The following RARB variants were observed in gnomAD, a reference collection of about 807,000 sequenced individuals.
RARB encodes the protein retinoic acid receptor beta, also known as HBV-activated protein.
A neutral mutation model predicts 51.9 loss-of-function variants in RARB; 17 were observed. The observed-to-expected ratio is 0.33, with a 90% confidence interval of 0.22 to 0.49. The LOEUF (loss-of-function observed/expected upper bound fraction) is 0.49, where lower values mean the gene tolerates loss of function less well. Among genes scored for constraint, RARB ranks in the 20% least tolerant of loss-of-function variants. The probability of loss-of-function intolerance (pLI) is 0.99; values close to 1 mark genes in which losing one functional copy is unlikely to be tolerated. For missense variants in RARB, 369 were observed against 550.8 expected (o/e 0.67, Z 3.30); for synonymous variants, 215 against 195.4 (o/e 1.10, Z -0.84).
chr3:25,193,337 C>T (rs1489717036), intron 5 of RARB, among the ~76,000 whole-genome samples: 4 of 151,798 alleles, frequency 2.6e-5, no homozygotes, highest in Admixed American at 6.6e-5. Context: ...AAGATTGTTC[C>T]AATGCAGAGG....
chr3:25,026,074 T>G lies in RARB; in HGVS notation c.-379-34051T>G, dbSNP rs185993099. On this transcript the variant is annotated intron_variant, in intron 2 of 11. Coordinates refer to the RARB transcript ENST00000383772. ...ATAGTACAAAGTGATTTTTAAGTTT[T>G]CATGAGTGCTCTTGCTCCCCCCACC... 2.0e-3 allele frequency among the ~76,000 whole-genome samples: 306 copies of G among 152,270 alleles called. 2 individuals are homozygous for G. The highest frequency in any genetic ancestry group is 3.8e-3 in the Admixed American group (58 of 15,286).
intron 1 of RARB, among the ~76,000 whole-genome samples, chr3:25,436,093 G>T (rs566570484): frequency 6.6e-6 from 1 of 152,114 alleles, no homozygotes; most frequent in African/African-American, 2.4e-5. Context: ...GATTAAGATC[G>T]TCAGGGGTTT....
chr3:25,110,832 G>C (rs1699589244), intron 3 of RARB, among the ~76,000 whole-genome samples: 1 of 152,098 alleles, frequency 6.6e-6, no homozygotes, highest in Non-Finnish European at 1.5e-5. Context: ...CTTTGCCCCA[G>C]GTATCAAAAT....
At chr3:25,069,434 A>G (rs148776075) in intron 3 of RARB, among the ~76,000 whole-genome samples, 1 of 152,346 alleles carries the variant, frequency 6.6e-6, no homozygotes, top group African/African-American at 2.4e-5. Context: ...ATTAACTGGC[A>G]TATATTGTAC....
chr3:25,553,553 C>T (rs2125670699), intron 3 of RARB, among the ~76,000 whole-genome samples: 2 of 152,272 alleles, frequency 1.3e-5, no homozygotes, highest in South Asian at 4.2e-4. Flanking sequence ...CCAAAAAAAC[C>T]AGTCATCTGA....
chr3:25,455,395 C>T (rs998645666), intron 1 of RARB, among the ~76,000 whole-genome samples: 1 of 152,206 alleles, frequency 6.6e-6, no homozygotes, highest in Non-Finnish European at 1.5e-5. Context: ...AAATGTCCTT[C>T]TCCCTAACCT....
intron 5 of RARB, among the ~76,000 whole-genome samples, chr3:25,310,201 C>A (rs1388195483): frequency 6.6e-6 from 1 of 152,196 alleles, no homozygotes; most frequent in Non-Finnish European, 1.5e-5. Flanking sequence ...GGCTGTTTTA[C>A]TAGTCTGGGT....
At chr3:25,497,459 A>G (rs1393170962) in intron 2 of RARB, among the ~76,000 whole-genome samples, 1 of 152,096 alleles carries the variant, frequency 6.6e-6, no homozygotes, top group Non-Finnish European at 1.5e-5. Context: ...TTCTTTCGCC[A>G]ATTTCTTTGC....
chr3:24,926,440 G>A (rs1695323482), intron 2 of RARB, among the ~76,000 whole-genome samples: 1 of 152,078 alleles, frequency 6.6e-6, no homozygotes, highest in Admixed American at 6.6e-5. Flanking sequence ...CAATTGAAGA[G>A]AGATTGTTGA....
At chr3:25,551,905 C>A (rs1218776731) in intron 3 of RARB, among the ~76,000 whole-genome samples, 1 of 152,198 alleles carries the variant, frequency 6.6e-6, no homozygotes, top group South Asian at 2.1e-4. Flanking sequence ...AGAGGGGAAT[C>A]CCAGTCCATG....
At chr3:25,225,168 A>G (rs4521188) in intron 5 of RARB, among the ~76,000 whole-genome samples, 15,050 of 152,238 alleles carry the variant, frequency 0.099, 815 homozygotes, top group Non-Finnish European at 0.13. Flanking sequence ...TATTTATAAG[A>G]TGCTTACTAC....
In RARB at chr3:25,178,352, CA is replaced by C. The variant is rs552427095; in HGVS notation, c.178+3778del. Among the ~76,000 whole-genome samples, 13 of 152,194 alleles carry C rather than the reference CA, an allele frequency of 8.5e-5. No individual in the cohort carries two copies. The South Asian group carries it at 2.3e-3, about 27-fold the overall frequency. Reference sequence around the variant, plus strand: ...TAGAAAAACTACCATGCATTGAGCACATTTTGGATTACTCACACAGCATTTA... The same window carrying C: ...TAGAAAAACTACCATGCATTGAGCACTTTTGGATTACTCACACAGCATTTA... On this transcript the variant is annotated intron_variant, in intron 5 of 11. Transcript: ENST00000383772.
chr3:25,323,055 G>A (rs1322052601), intron 5 of RARB, among the ~76,000 whole-genome samples: 1 of 152,108 alleles, frequency 6.6e-6, no homozygotes, highest in African/African-American at 2.4e-5. Flanking sequence ...CTACATGTTT[G>A]GGGCCCTGGT....
At chr3:25,499,079 A>C (rs1553623902) in intron 2 of RARB, among the ~76,000 whole-genome samples, 13 of 152,206 alleles carry the variant, frequency 8.5e-5, no homozygotes, top group Non-Finnish European at 7.3e-5. Flanking sequence ...CCAGGCACTT[A>C]TAGTTGAACC....
At chr3:24,835,837 G>A (rs1295566779) in intron 1 of RARB, among the ~76,000 whole-genome samples, 1 of 152,130 alleles carries the variant, frequency 6.6e-6, no homozygotes, top group Non-Finnish European at 1.5e-5. Context: ...GCATTCATTG[G>A]CCCCGGGGGC....
intron 5 of RARB, among the ~76,000 whole-genome samples, chr3:25,299,503 C>G (rs57138445): frequency 6.6e-6 from 1 of 152,076 alleles, no homozygotes; most frequent in Non-Finnish European, 1.5e-5. Context: ...CCTGGCCCAC[C>G]TCACTCGTAA....
intron 5 of RARB, among the ~76,000 whole-genome samples, chr3:25,399,822 A>G (rs1325962460): frequency 6.6e-6 from 1 of 152,222 alleles, no homozygotes; most frequent in South Asian, 2.1e-4. Context: ...GCATATAACT[A>G]GCAAGTCTCC....
chr3:25,019,228 T>A (rs564928389), intron 2 of RARB, among the ~76,000 whole-genome samples: 1 of 152,322 alleles, frequency 6.6e-6, no homozygotes, highest in South Asian at 2.1e-4. Context: ...TTGTTATTTT[T>A]AAAAATGCCC....
At chr3:24,975,047 T>G (rs1238373798) in intron 2 of RARB, among the ~76,000 whole-genome samples, 1 of 152,182 alleles carries the variant, frequency 6.6e-6, no homozygotes, top group Non-Finnish European at 1.5e-5. Context: ...TTAAATTGCA[T>G]TTAATTTTAA....
Sources: allele counts gnomAD v4.1 joint callset (sites outside exome capture counted in the v4.1 genomes callset), GRCh38; gene constraint gnomAD v4.1.1; transcripts MANE v1.5; gene names NCBI Gene and HGNC (gene_info 2026-07-23, HGNC 2026-07-21).